Variants in CAMK2A observed in about 807,000 individuals in gnomAD.
CAMK2A encodes the protein calcium/calmodulin-dependent protein kinase type II subunit alpha.
In CAMK2A, 7 loss-of-function variants were observed where a neutral mutation model predicts 79.2. The observed-to-expected ratio is 0.09, with a 90% CI of 0.05 to 0.17. The LOEUF is 0.17. CAMK2A is among the 10% of genes least tolerant of loss of function. The pLI is 1.00. For synonymous variants in CAMK2A, 242 were observed against 251.7 expected, an observed-to-expected ratio of 0.96 and a Z score of 0.36; for missense variants, 214 against 646.4, an observed-to-expected ratio of 0.33 and a Z score of 7.25.
At chr5:150,235,727 G>A (rs149811647) in intron 15 of CAMK2A, among the ~76,000 whole-genome samples, 1 of 152,306 alleles carries the variant, frequency 6.6e-6, no homozygotes, top group African/African-American at 2.4e-5. Flanking sequence ...CTCAGGGGAC[G>A]ATGTTCCCTG....
chr5:150,239,685 G>A lies in CAMK2A; in HGVS notation c.1017+19C>T, dbSNP rs762276959. Reference sequence around the variant, plus strand: ...CGAGGCCCAGCATTTACCGGCGTTAGGAGACGGCAGACACTCACCATTAAC... The same window carrying A: ...CGAGGCCCAGCATTTACCGGCGTTAAGAGACGGCAGACACTCACCATTAAC... On this transcript the variant is annotated intron_variant, in intron 14 of 18. Coordinates refer to ENST00000671881, the MANE Select transcript of CAMK2A (RefSeq NM_015981.4). 8 of 1,613,182 alleles carry A rather than the reference G, an allele frequency of 5.0e-6. No homozygotes were observed. The highest frequency in any genetic ancestry group is 1.7e-5 in the Admixed American group (1 of 60,010).
intron 15 of CAMK2A, among the ~76,000 whole-genome samples, chr5:150,237,666 C>G (rs1174123861): frequency 6.6e-6 from 1 of 152,128 alleles, no homozygotes; most frequent in Non-Finnish European, 1.5e-5. Flanking sequence ...GGCCAACATA[C>G]CCGGCCTCTC....
intron 16 of CAMK2A, 53 bp downstream of exon 16, chr5:150,231,252 C>T: frequency 2.9e-6 from 3 of 1,039,640 alleles, no homozygotes; most frequent in Non-Finnish European, 2.9e-6. Flanking sequence ...GCCATTGGTA[C>T]CCCCTGAACA....
chr5:150,286,990 A>G (rs780805687), intron 1 of CAMK2A, among the ~76,000 whole-genome samples: 1 of 152,218 alleles, frequency 6.6e-6, no homozygotes, highest in Non-Finnish European at 1.5e-5. Context: ...GTGGGGGTAA[A>G]GAGGTAGCAT....
intron 3 of CAMK2A, among the ~76,000 whole-genome samples, chr5:150,259,206 A>C (rs1423911652): frequency 1.3e-5 from 2 of 151,716 alleles, no homozygotes; most frequent in Non-Finnish European, 2.9e-5. Flanking sequence ...AAATAAAATA[A>C]GATAAAATAA....
At chr5:150,271,046 G>A (rs1285790578) in intron 2 of CAMK2A, among the ~76,000 whole-genome samples, 3 of 152,144 alleles carry the variant, frequency 2.0e-5, no homozygotes, top group Non-Finnish European at 4.4e-5. Flanking sequence ...ATCTTAACCC[G>A]TCACCCCCTG....
chr5:150,229,117 C>T (rs1455745911), intron 16 of CAMK2A, among the ~76,000 whole-genome samples: 1 of 152,176 alleles, frequency 6.6e-6, no homozygotes, highest in African/African-American at 2.4e-5. Context: ...AAGCTCCCAA[C>T]CCAGGGTAGA....
At chr5:150,283,472 T>A (rs1283097323) in intron 1 of CAMK2A, among the ~76,000 whole-genome samples, 2 of 152,104 alleles carry the variant, frequency 1.3e-5, no homozygotes, top group Admixed American at 1.3e-4. Context: ...ACTCCGGGGC[T>A]CAAGCAATCC....
rs1249861873 is a variant in CAMK2A, at chr5:150,256,919, C to T, written c.273-88G>A. The T allele has an allele frequency of 4.3e-6, 5 of 1,159,966 alleles. No homozygotes were observed. Among genetic ancestry groups the T allele is most frequent in the African/African-American group, 3.1e-5 (2 of 64,814 alleles). 71.9% of individuals were successfully genotyped at this position (1,159,966 alleles called of 1,614,324 possible). On this transcript the variant is annotated intron_variant, in intron 4 of 18. Transcript: ENST00000671881. The surrounding 1 kb of genome is among the most constrained non-coding windows in gnomAD (Gnocchi z 4.6). Reference sequence around the variant, plus strand: ...AGTCTCCAGGAAACTAAGGATGGGGCCCAGGGACCTCAGGACCTCAGCCAC... The same window carrying T: ...AGTCTCCAGGAAACTAAGGATGGGGTCCAGGGACCTCAGGACCTCAGCCAC...
In CAMK2A at chr5:150,244,839, C is replaced by T. The variant is rs1394297905; in HGVS notation, c.984+322G>A. Reference sequence around the variant, plus strand: ...TCCTCTCCTTGCACCCTCTCTTGCACACCAGCTCTCCAGCCTCGGAGAACC... The same window carrying T: ...TCCTCTCCTTGCACCCTCTCTTGCATACCAGCTCTCCAGCCTCGGAGAACC... On this transcript the variant is annotated intron_variant, in intron 13 of 18. Coordinates refer to ENST00000671881, the MANE Select transcript of CAMK2A (RefSeq NM_015981.4). Among the ~76,000 whole-genome samples, 3 of 152,202 alleles carry T rather than the reference C, an allele frequency of 2.0e-5. No homozygotes were observed. The East Asian group carries it at 5.8e-4, about 29-fold the overall frequency.
chr5:150,254,049 C>T (rs986054571), intron 6 of CAMK2A, among the ~76,000 whole-genome samples: 5 of 152,176 alleles, frequency 3.3e-5, no homozygotes, highest in African/African-American at 1.2e-4. Flanking sequence ...CTTTGCACTT[C>T]CTGTTTTCCT....
chr5:150,268,962 C>T (rs921368217), intron 2 of CAMK2A, among the ~76,000 whole-genome samples: 5 of 151,970 alleles, frequency 3.3e-5, no homozygotes, highest in African/African-American at 1.2e-4. Context: ...ATGGGGGTCT[C>T]ACCATGTTGC....
intron 1 of CAMK2A, among the ~76,000 whole-genome samples, chr5:150,287,758 C>T (rs1757482872): frequency 6.6e-6 from 1 of 152,012 alleles, no homozygotes; most frequent in Non-Finnish European, 1.5e-5. Flanking sequence ...GAGAGGGGTC[C>T]CTGCACAAGT....
At chr5:150,263,409 C>T (rs1182542703) in intron 3 of CAMK2A, among the ~76,000 whole-genome samples, 1 of 151,862 alleles carries the variant, frequency 6.6e-6, no homozygotes, top group African/African-American at 2.4e-5. Context: ...CACACTTACA[C>T]AGACTCACAT....
chr5:150,240,662 C>T (rs937861271), intron 13 of CAMK2A, among the ~76,000 whole-genome samples: 1 of 152,206 alleles, frequency 6.6e-6, no homozygotes, highest in African/African-American at 2.4e-5. Flanking sequence ...TGAAGACAGA[C>T]CCTTGCATTG....
chr5:150,287,241 T>C (rs193086646), intron 1 of CAMK2A, among the ~76,000 whole-genome samples: 24 of 152,352 alleles, frequency 1.6e-4, no homozygotes, highest in Admixed American at 8.5e-4. Context: ...CTTAGGCTCA[T>C]ACACAGTCTT....
intron 14 of CAMK2A, among the ~76,000 whole-genome samples, chr5:150,239,105 G>T (rs1580908133): frequency 6.6e-6 from 1 of 152,182 alleles, no homozygotes; most frequent in African/African-American, 2.4e-5. Context: ...ACTGGCAGGG[G>T]AGGAAGAGAG....
At chr5:150,232,095 T>G (rs187211288) in intron 15 of CAMK2A, among the ~76,000 whole-genome samples, 205 of 152,220 alleles carry the variant, frequency 1.3e-3, no homozygotes, top group Non-Finnish European at 2.2e-3. Flanking sequence ...GAGCCTCAGT[T>G]TTCCCATCTG....
rs751404237 is a variant in CAMK2A at position 150,256,870 on chromosome 5, G to A, written c.273-39C>T. 9 of 1,536,996 alleles carry A rather than the reference G, an allele frequency of 5.9e-6. No individual in the cohort carries two copies. Among genetic ancestry groups the A allele is most frequent in the South Asian group, 2.3e-5 (2 of 87,108 alleles). On this transcript the variant is annotated intron_variant, in intron 4 of 18. Coordinates refer to ENST00000671881, the MANE Select transcript of CAMK2A (RefSeq NM_015981.4). The surrounding 1 kb of genome is among the most constrained non-coding windows in gnomAD (Gnocchi z 4.6). ...CATGGAATCACCCTCTAATAGAGGC[G>A]ACAGGTGCTGCCTCATCTGGAGGAG...
Sources: allele counts gnomAD v4.1 joint callset (sites outside exome capture counted in the v4.1 genomes callset), GRCh38; gene constraint gnomAD v4.1.1; non-coding constraint Gnocchi (gnomAD v3.1); transcripts MANE v1.5; gene names NCBI Gene and HGNC (gene_info 2026-07-23, HGNC 2026-07-21).